NOP14: variants seen among roughly 807,000 people sequenced by gnomAD.
NOP14 encodes nucleolar protein 14.
In NOP14, 57 loss-of-function variants were observed where a neutral mutation model predicts 101.6. The observed-to-expected ratio is 0.56, with a 90% confidence interval of 0.45 to 0.70. The LOEUF (loss-of-function observed/expected upper bound fraction) is 0.70. Ranked by LOEUF, NOP14 falls within the 30% of genes least tolerant of loss-of-function variation. The pLI is 0.00. For missense variants in NOP14, 1,134 were observed against 1,075.5 expected (o/e 1.05, Z -0.76); for synonymous variants, 428 against 424.0 (o/e 1.01, Z -0.12).
chr4:2,962,729 G>A (rs1156731124), intron 1 of NOP14, among the ~76,000 whole-genome samples: 1 of 152,034 alleles, frequency 6.6e-6, no homozygotes, highest in African/African-American at 2.4e-5. Context: ...AAGGAACAAG[G>A]TTACGCGCTT....
At chr4:2,959,317 G>A (rs538525852) in intron 1 of NOP14, among the ~76,000 whole-genome samples, 3 of 152,366 alleles carry the variant, frequency 2.0e-5, no homozygotes, top group Admixed American at 1.3e-4. Context: ...TTGGGGCCGG[G>A]CGCGGTGGCT....
rs1406878121 is a variant in NOP14 at position 2,961,175 on chromosome 4, A to AATAATATT, written c.195+1949_195+1950insAATATTAT. Among the ~76,000 whole-genome samples the AATAATATT allele has an allele frequency of 4.2e-4, 20 of 47,584 alleles. 1 individual carries two copies. Among genetic ancestry groups the AATAATATT allele is most frequent in the African/African-American group, 1.1e-3 (13 of 11,534 alleles). 31.2% of individuals were successfully genotyped at this position (47,584 alleles called of 152,430 possible). On this transcript the variant is annotated intron_variant, in intron 1 of 17. Coordinates refer to ENST00000416614, the MANE Select transcript of NOP14 (RefSeq NM_001291978.2). ...TAATAATATATTAATATGCTATTAC[A>AATAATATT]ATAATATATTAATATGCTAATATTA...
At chr4:2,950,883 AGAGAGT>A (rs1405092293) in intron 7 of NOP14, 720 of 423,714 alleles carry the variant, frequency 1.7e-3, no homozygotes, top group South Asian at 6.3e-3. Flanking sequence ...AGACAGAGAG[AGAGAGT>A]GAGAAAGAGA....
intron 10 of NOP14, chr4:2,946,759 G>A (rs749946577): frequency 1.1e-5 from 6 of 557,456 alleles, no homozygotes; most frequent in Non-Finnish European, 1.9e-5. Context: ...GAGGTGGTGG[G>A]AGAAACAGCT....
At position 2,938,605 on chromosome 4, in the gene NOP14, A is replaced by G. The variant is rs2109285607; in HGVS notation, c.*226T>C. The G allele has an allele frequency of 1.8e-6, 1 of 542,360 alleles. No individual in the cohort carries two copies. Among genetic ancestry groups the G allele is most frequent in the East Asian group, 3.3e-5 (1 of 30,502 alleles). 33.6% of individuals were successfully genotyped at this position (542,360 alleles called of 1,614,324 possible). ...CTCACTGTAACCTTGGACTCAGCTC[A>G]AGCAGTCCTCCTGCTTCAGCCTCCC... On this transcript the variant is annotated 3_prime_UTR_variant, in exon 18 of 18. Transcript: ENST00000416614.
At chr4:2,940,425 A>C (rs1714070645) in intron 15 of NOP14, 1 of 152,256 alleles carries the variant, frequency 6.6e-6, no homozygotes, top group African/African-American at 2.4e-5. Context: ...TGACTGGCCC[A>C]GTCTACCGAG....
intron 15 of NOP14, among the ~76,000 whole-genome samples, chr4:2,939,910 CT>C (rs1560292997): frequency 1.3e-5 from 2 of 152,328 alleles, no homozygotes; most frequent in South Asian, 2.1e-4. Context: ...AGAGCACTCT[CT>C]GAAAGGAGGG....
intron 12 of NOP14, among the ~76,000 whole-genome samples, chr4:2,944,772 T>C (rs1714489743): frequency 6.6e-6 from 1 of 152,218 alleles, no homozygotes; most frequent in South Asian, 2.1e-4. Flanking sequence ...ACTAAGCATG[T>C]ACCAATCACA....
At chr4:2,955,047 C>G (rs1044300050) in intron 3 of NOP14, among the ~76,000 whole-genome samples, 2 of 148,442 alleles carry the variant, frequency 1.3e-5, no homozygotes, top group Admixed American at 6.7e-5. Flanking sequence ...ACGGCGCCCC[C>G]TCTAGTCACC....
rs1340296715 is a variant in NOP14, at chr4:2,939,555, T to G, written c.2290A>C (p.Lys764Gln). The change falls in exon 16 of 18, where the codon AAG becomes CAG. Residue 764 changes from lysine to glutamine, a missense_variant. Lys to Gln is a moderately conservative substitution (Grantham distance 53, BLOSUM62 1). Transcript: ENST00000416614. Reference sequence around the variant, plus strand: ...TTGACCAGCCGGGGTGTGAAAAGCTTCAGTGGGACAGGCTTGCTCTTCTCA... The same window carrying G: ...TTGACCAGCCGGGGTGTGAAAAGCTGCAGTGGGACAGGCTTGCTCTTCTCA... ...TCEKSKPVPL[K>Q]LFTPRLVKVL... 2 of 1,613,916 alleles carry G rather than the reference T, an allele frequency of 1.2e-6. No homozygotes were observed. Among genetic ancestry groups the G allele is most frequent in the Non-Finnish European group, 1.7e-6 (2 of 1,180,004 alleles).
In NOP14 at chr4:2,938,841, A is replaced by G. The variant is rs746155051; in HGVS notation, c.2564T>C (p.Phe855Ser). The G allele has an allele frequency of 6.2e-7, 1 of 1,612,422 alleles. No individual in the cohort carries two copies. The change falls in exon 18 of 18, where the codon TTC becomes TCC. Residue 855 changes from phenylalanine to serine, a missense_variant. Physicochemically the swap from Phe to Ser is radical, Grantham distance 155. Coordinates refer to ENST00000416614, the MANE Select transcript of NOP14 (RefSeq NM_001291978.2). Reference sequence around the variant, plus strand: ...TTTATAAAATGTAATTTATTTTTTGAACTTTTTCCTCTTCAGAGCCTTCCA... The same window carrying G: ...TTTATAAAATGTAATTTATTTTTTGGACTTTTTCCTCTTCAGAGCCTTCCA... ...GEWKALKRKK[F>S]KK
chr4:2,945,112 T>C lies in NOP14; in HGVS notation c.1737+16A>G. On this transcript the variant is annotated intron_variant, in intron 12 of 17. Transcript: ENST00000416614. ...GTGCAGCAGGCCGACCCCTGCCGCA[T>C]GTGGAGAGAACGCACCTTGGTGAGC... is the stretch of plus-strand genomic sequence containing the variant. The C allele has an allele frequency of 1.9e-6, 3 of 1,558,764 alleles. No homozygotes were observed. Among genetic ancestry groups the C allele is most frequent in the Non-Finnish European group, 2.6e-6 (3 of 1,147,516 alleles).
intron 12 of NOP14, 54 bp from the exon 13 acceptor site, chr4:2,944,280 A>G: frequency 6.4e-7 from 1 of 1,556,076 alleles, no homozygotes; most frequent in Non-Finnish European, 8.7e-7. Context: ...ATGCCATGCT[A>G]GGCCGACCAC....
chr4:2,943,492 G>A (rs1331245132), intron 13 of NOP14, among the ~76,000 whole-genome samples: 8 of 152,222 alleles, frequency 5.3e-5, no homozygotes, highest in Non-Finnish European at 2.9e-5. Flanking sequence ...ATCAGGGGAA[G>A]GGGGAGGAGC....
At position 2,963,367 on chromosome 4, in the gene NOP14, G is replaced by T; in HGVS notation, c.-48C>A. 1 of 1,498,002 alleles carries T rather than the reference G, an allele frequency of 6.7e-7. No individual in the cohort carries two copies. The highest frequency in any genetic ancestry group is 1.5e-5 in the African/African-American group (1 of 68,286). 92.8% of individuals were successfully genotyped at this position (1,498,002 alleles called of 1,614,324 possible). On this transcript the variant is annotated 5_prime_UTR_variant, in exon 1 of 18. The change creates a new upstream start codon in the 5' untranslated region. Coordinates refer to ENST00000416614, the MANE Select transcript of NOP14 (RefSeq NM_001291978.2). ...AGGGCCCGAGACCCGAAGAGAGACA[G>T]GCGCGCGCTACCCTAAGACACGTGC...
chr4:2,938,028 A>G lies in NOP14; in HGVS notation c.*803T>C. 1 of 290,430 alleles carries G rather than the reference A, an allele frequency of 3.4e-6. No individual in the cohort carries two copies. The highest frequency in any genetic ancestry group is 6.3e-6 in the Non-Finnish European group (1 of 158,346). 18.0% of individuals were successfully genotyped at this position (290,430 alleles called of 1,614,324 possible). ...GTGGTTGACAGAAATTACACTGGCC[A>G]GAATCCCCAGTCCCCATGAGGCTTG... On this transcript the variant is annotated 3_prime_UTR_variant, in exon 18 of 18. Transcript: ENST00000416614.
chr4:2,959,570 G>A (rs1356717176), intron 1 of NOP14, among the ~76,000 whole-genome samples: 1 of 147,934 alleles, frequency 6.8e-6, no homozygotes, highest in Non-Finnish European at 1.5e-5. Flanking sequence ...TCCAGCCTGG[G>A]CGACAGACAA....
intron 1 of NOP14, among the ~76,000 whole-genome samples, chr4:2,959,360 A>T (rs563156899): frequency 6.6e-6 from 1 of 152,318 alleles, no homozygotes; most frequent in African/African-American, 2.4e-5. Context: ...TGGGAGGCCA[A>T]GGCGGGCGGA....
chr4:2,945,151 A>C lies in NOP14; in HGVS notation c.1714T>G (p.Cys572Gly). ...WHPVVTPALV[C>G]LSQLLTKCPI... is the part of the protein sequence containing the mutation. ...ACCTTGGTGAGCAGCTGACTGAGGC[A>C]CACGAGGGCAGGGGTCACCACTGGG... is the stretch of plus-strand genomic sequence containing the variant. The change falls in exon 12 of 18, where the codon TGC becomes GGC. Residue 572 changes from cysteine (C) to glycine (G), a missense_variant. Coordinates refer to ENST00000416614, the MANE Select transcript of NOP14 (RefSeq NM_001291978.2). 6.3e-7 allele frequency: 1 copy of C among 1,591,152 alleles called. No homozygotes were observed. Among genetic ancestry groups the C allele is most frequent in the Non-Finnish European group, 8.6e-7 (1 of 1,168,560 alleles).
Sources: allele counts gnomAD v4.1 joint callset (sites outside exome capture counted in the v4.1 genomes callset), GRCh38; gene constraint gnomAD v4.1.1; transcripts MANE v1.5; gene names NCBI Gene and HGNC (gene_info 2026-07-23, HGNC 2026-07-21).